LYRM4: variants seen among roughly 807,000 people sequenced by gnomAD.
The protein encoded by LYRM4 is LYR motif containing 4.
A neutral mutation model predicts 11.7 loss-of-function variants in LYRM4; 9 were observed. The ratio of observed to expected loss-of-function variants is 0.77; its 90% CI spans 0.46 to 1.34. The LOEUF (loss-of-function observed/expected upper bound fraction) is 1.34. LYRM4 is among the 40% of genes most tolerant of loss of function. The pLI is 0.00. For synonymous variants in LYRM4, 42 were observed against 40.4 expected, an observed-to-expected ratio of 1.04 and a Z score of -0.15; for missense variants, 133 against 112.5, an observed-to-expected ratio of 1.18 and a Z score of -0.82.
intron 2 of LYRM4, among the ~76,000 whole-genome samples, chr6:5,155,799 G>A (rs1447384816): frequency 2.6e-5 from 4 of 152,194 alleles, no homozygotes; most frequent in African/African-American, 9.7e-5. Context: ...AAGGCATTAA[G>A]CAAAGCAAAG....
chr6:5,057,570 T>C, the LYRM4 span, among the ~76,000 whole-genome samples: 3 of 151,780 alleles, frequency 2.0e-5, no homozygotes, highest in African/African-American at 7.3e-5. Context: ...ATTCAAAAAA[T>C]TAGCCAGGTA....
At chr6:5,199,474 C>A (rs1190242433) in intron 2 of LYRM4, among the ~76,000 whole-genome samples, 1 of 152,150 alleles carries the variant, frequency 6.6e-6, no homozygotes, top group African/African-American at 2.4e-5. Flanking sequence ...TTTGAATATA[C>A]TAAAAACCAC....
chr6:5,242,087 T>G (rs1408049743), intron 1 of LYRM4, among the ~76,000 whole-genome samples: 1 of 151,740 alleles, frequency 6.6e-6, no homozygotes, highest in African/African-American at 2.4e-5. Flanking sequence ...TTTTTTTTTT[T>G]TTTGAGATAG....
chr6:5,091,373 G>A, the LYRM4 span, among the ~76,000 whole-genome samples: 1 of 152,194 alleles, frequency 6.6e-6, no homozygotes, highest in Non-Finnish European at 1.5e-5. Context: ...TCCACCTTGT[G>A]AACTGTTGTG....
chr6:5,089,595 A>C, the LYRM4 span: 1 of 152,238 alleles, frequency 6.6e-6, no homozygotes, highest in African/African-American at 2.4e-5. Flanking sequence ...TTCTGTCATA[A>C]CACCATTACT....
chr6:5,060,925 A>G, the LYRM4 span, among the ~76,000 whole-genome samples: 2 of 152,176 alleles, frequency 1.3e-5, no homozygotes, highest in African/African-American at 2.4e-5. Context: ...GTATTTATTA[A>G]ATAATTCATA....
chr6:5,103,571 T>A (rs1762566184), downstream of LYRM4: 1 of 152,162 alleles, frequency 6.6e-6, no homozygotes, highest in East Asian at 1.9e-4. Flanking sequence ...TGCTTTTTGA[T>A]CCGTTATCTT....
At chr6:5,066,461 C>G in the LYRM4 span, 1 of 759,176 alleles carries the variant, frequency 1.3e-6, no homozygotes, top group South Asian at 1.4e-5. Flanking sequence ...TTCCCAAATT[C>G]TGAAAGAGCC....
intron 2 of LYRM4, among the ~76,000 whole-genome samples, chr6:5,119,454 A>G (rs1581311559): frequency 6.6e-6 from 1 of 152,066 alleles, no homozygotes; most frequent in African/African-American, 2.4e-5. Context: ...TTTTGTCAGC[A>G]TGCTGCACCG....
At chr6:5,199,110 G>A (rs1335069549) in intron 2 of LYRM4, among the ~76,000 whole-genome samples, 3 of 152,206 alleles carry the variant, frequency 2.0e-5, no homozygotes, top group Non-Finnish European at 4.4e-5. Context: ...GCATATGAAT[G>A]TTCATAGCAA....
At chr6:5,139,811 G>A (rs1295624591) in intron 2 of LYRM4, among the ~76,000 whole-genome samples, 3 of 150,726 alleles carry the variant, frequency 2.0e-5, no homozygotes, top group African/African-American at 4.9e-5. Flanking sequence ...CTGGGGCGTG[G>A]TGGGTCATGC....
chr6:5,160,350 C>T (rs1252764934), intron 2 of LYRM4, among the ~76,000 whole-genome samples: 1 of 151,996 alleles, frequency 6.6e-6, no homozygotes, highest in Non-Finnish European at 1.5e-5. Flanking sequence ...TGGGTCTCAA[C>T]CCAAGAGATA....
At chr6:5,141,677 A>G (rs1757416482) in intron 2 of LYRM4, among the ~76,000 whole-genome samples, 1 of 152,228 alleles carries the variant, frequency 6.6e-6, no homozygotes, top group Non-Finnish European at 1.5e-5. Flanking sequence ...CAGCATCTCA[A>G]CACTCACGGA....
chr6:5,231,879 G>T (rs1763262593), intron 1 of LYRM4, among the ~76,000 whole-genome samples: 1 of 152,150 alleles, frequency 6.6e-6, no homozygotes, highest in Admixed American at 6.5e-5. Context: ...ATATTTCCAT[G>T]CATTACATAA....
At chr6:5,216,321 C>T (rs1192583730) in intron 2 of LYRM4, among the ~76,000 whole-genome samples, 2 of 152,150 alleles carry the variant, frequency 1.3e-5, no homozygotes, top group African/African-American at 4.8e-5. Flanking sequence ...ATGTGCGATA[C>T]ATCTTACAAA....
chr6:5,222,708 A>T (rs79366790), intron 1 of LYRM4, among the ~76,000 whole-genome samples: 2,670 of 151,860 alleles, frequency 0.018, 73 homozygotes, highest in African/African-American at 0.061. Flanking sequence ...AAAGTAAATT[A>T]AAAAAAAGTA....
chr6:5,176,996 G>A (rs1414225340), intron 2 of LYRM4, among the ~76,000 whole-genome samples: 2 of 152,170 alleles, frequency 1.3e-5, no homozygotes, highest in Non-Finnish European at 2.9e-5. Context: ...GATTAGGATT[G>A]TTGACTGTTT....
At chr6:5,253,491 A>C (rs1764524333) in intron 1 of LYRM4, among the ~76,000 whole-genome samples, 1 of 152,170 alleles carries the variant, frequency 6.6e-6, no homozygotes, top group African/African-American at 2.4e-5. Flanking sequence ...AATGTTAGAC[A>C]AAAAGTAAAT....
intron 2 of LYRM4, among the ~76,000 whole-genome samples, chr6:5,142,890 G>A (rs1581366522): frequency 6.6e-6 from 1 of 152,210 alleles, no homozygotes; most frequent in Admixed American, 6.5e-5. Flanking sequence ...CCCCAGCCAT[G>A]GACCCTTGGC....
Sources: gnomAD v4.1 joint callset for allele counts (sites outside exome capture counted in the v4.1 genomes callset) on GRCh38, gnomAD v4.1.1 for gene constraint, MANE v1.5 for transcripts, NCBI Gene and HGNC (gene_info 2026-07-23, HGNC 2026-07-21) for gene names.